The following CTNND2 variants were observed in gnomAD, a reference collection of about 807,000 sequenced individuals.
CTNND2 encodes the protein catenin delta-2.
CTNND2 carries 22 observed loss-of-function variants against 144.4 expected under a neutral mutation model. The ratio of observed to expected loss-of-function variants is 0.15; its 90% CI spans 0.11 to 0.22. The LOEUF is 0.22. Among genes scored for constraint, CTNND2 ranks in the 10% least tolerant of loss-of-function variants. CTNND2 has a pLI of 1.00. For synonymous variants in CTNND2, 751 were observed against 695.6 expected (o/e 1.08, Z -1.25); for missense variants, 1,353 against 1,618.8 (o/e 0.84, Z 2.82).
At chr5:11,394,106 T>C (rs1759865518) in intron 6 of CTNND2, among the ~76,000 whole-genome samples, 1 of 152,192 alleles carries the variant, frequency 6.6e-6, no homozygotes, top group Non-Finnish European at 1.5e-5. Context: ...GTCCCTATCA[T>C]GCTGCACTCC....
intron 3 of CTNND2, chr5:11,508,497 A>C (rs542223355): frequency 1.3e-5 from 2 of 151,592 alleles, no homozygotes; most frequent in East Asian, 3.8e-4. Flanking sequence ...CCCCAAACCC[A>C]TATATCAACA....
intron 16 of CTNND2, among the ~76,000 whole-genome samples, chr5:11,057,524 T>C (rs1190845701): frequency 6.6e-6 from 1 of 152,220 alleles, no homozygotes; most frequent in Non-Finnish European, 1.5e-5. Context: ...TTGTCAGGCC[T>C]CCCCAGCCAT....
In CTNND2 at chr5:11,839,008, T is replaced by C. The variant is rs1227551278; in HGVS notation, c.37+64809A>G. Reference sequence around the variant, plus strand: ...GGTAGAATGATGTAATATTATATGATTTATCGAATTCAGGCTAGCATGCTT... The same window carrying C: ...GGTAGAATGATGTAATATTATATGACTTATCGAATTCAGGCTAGCATGCTT... On this transcript the variant is annotated intron_variant, in intron 1 of 21. Coordinates refer to ENST00000304623, the MANE Select transcript of CTNND2 (RefSeq NM_001332.4). Among the ~76,000 whole-genome samples the C allele has an allele frequency of 2.0e-5, 3 of 152,170 alleles. No individual in the cohort carries two copies. The South Asian group carries it at 6.2e-4, about 32-fold the overall frequency.
At chr5:11,410,894 C>T (rs1011041942) in intron 5 of CTNND2, among the ~76,000 whole-genome samples, 20 of 148,692 alleles carry the variant, frequency 1.3e-4, no homozygotes, top group Non-Finnish European at 2.5e-4. Context: ...TTTTTTAAGA[C>T]GGAGTCTCCT....
At chr5:11,723,111 T>A in intron 2 of CTNND2, among the ~76,000 whole-genome samples, 1 of 152,120 alleles carries the variant, frequency 6.6e-6, no homozygotes. Flanking sequence ...TTTCAACAAA[T>A]ATGATAAACT....
Position 10,988,183 on chromosome 5 carries a change from C to T in CTNND2, c.3271G>A (p.Glu1091Lys), listed in dbSNP as rs778985488. The T allele has an allele frequency of 9.9e-6, 16 of 1,614,072 alleles. No individual in the cohort carries two copies. Among genetic ancestry groups the T allele is most frequent in the Admixed American group, 3.3e-5 (2 of 60,010 alleles). ...ISLKERKTDY[E>K]CTGSNATYHG... The stretch of plus-strand genomic sequence containing the variant: ...TAGGTGGCGTTGCTGCCGGTGCACT[C>T]GTAGTCTGTTTTCCTTTCTTTGAGG... The change falls in exon 20 of 22, where the codon GAG (glutamate) becomes AAG (lysine). Residue 1091 changes from glutamate to lysine, a missense_variant. Physicochemically the swap from Glu to Lys is moderately conservative, Grantham distance 56 (BLOSUM62 1). Around this residue, in one of 4 missense-constraint regions of CTNND2, gnomAD observed 459 missense variants for 674.3 expected, o/e 0.68. Transcript: ENST00000304623. This position sits in a 1 kb window ranked among gnomAD's most constrained non-coding sequence, Gnocchi z 5.9.
At chr5:11,838,558 C>A (rs1794298508) in intron 1 of CTNND2, among the ~76,000 whole-genome samples, 1 of 152,118 alleles carries the variant, frequency 6.6e-6, no homozygotes, top group Admixed American at 6.5e-5. Context: ...TCAGCTGTGA[C>A]AGATTCAGTT....
At chr5:11,880,523 T>C (rs1167233044) in intron 1 of CTNND2, among the ~76,000 whole-genome samples, 1 of 145,410 alleles carries the variant, frequency 6.9e-6, no homozygotes, top group Non-Finnish European at 1.5e-5. Flanking sequence ...CTACCACTAC[T>C]ACTACTACCA....
At chr5:11,258,771 TC>T (rs1024540409) in intron 9 of CTNND2, among the ~76,000 whole-genome samples, 1 of 152,200 alleles carries the variant, frequency 6.6e-6, no homozygotes, top group African/African-American at 2.4e-5. Context: ...TTAACAGAAC[TC>T]CTATGTTTAG....
intron 14 of CTNND2, 71 bp from the exon 15 acceptor site, chr5:11,098,819 C>T: frequency 2.7e-6 from 4 of 1,467,832 alleles, no homozygotes; most frequent in Middle Eastern, 1.8e-4. Context: ...CTTCCTCAAA[C>T]ATTACAGGCG....
At position 11,635,228 on chromosome 5, in the gene CTNND2, T is replaced by A. The variant is rs140159880; in HGVS notation, c.175-70172A>T. On this transcript the variant is annotated intron_variant, in intron 2 of 21. Transcript: ENST00000304623. ...ATATAAAGCAAGATTTAGAAGAATATGGAACAAAAATGAGTGTGGGAGTTT... is the reference window on the plus strand; with the variant it reads ...ATATAAAGCAAGATTTAGAAGAATAAGGAACAAAAATGAGTGTGGGAGTTT... Among the ~76,000 whole-genome samples the A allele has an allele frequency of 1.1e-3, 163 of 152,126 alleles. 3 individuals are homozygous for A. The East Asian group carries it at 0.024, about 22-fold the overall frequency.
intron 9 of CTNND2, among the ~76,000 whole-genome samples, chr5:11,252,229 T>TA (rs1371393062): frequency 4.6e-5 from 7 of 152,192 alleles, no homozygotes; most frequent in Non-Finnish European, 8.8e-5. Context: ...GATATGGACT[T>TA]AGACTGCAGA....
At chr5:11,574,547 C>T (rs1016646797) in intron 2 of CTNND2, among the ~76,000 whole-genome samples, 1 of 152,118 alleles carries the variant, frequency 6.6e-6, no homozygotes, top group Non-Finnish European at 1.5e-5. Context: ...TATAGCTCAT[C>T]ATTTCACACT....
Position 11,624,062 on chromosome 5 carries a change from C to A in CTNND2, c.175-59006G>T, listed in dbSNP as rs143970720. ...TTCTTTTTGTTTATAAATCACCTAG[C>A]CTCTGGTATGTCTTTATTCGCAATG... On this transcript the variant is annotated intron_variant, in intron 2 of 21. Coordinates refer to ENST00000304623, the MANE Select transcript of CTNND2 (RefSeq NM_001332.4). 1.1e-4 allele frequency among the ~76,000 whole-genome samples: 17 copies of A among 151,780 alleles called. No homozygotes were observed. The South Asian group carries it at 1.7e-3, about 15-fold the overall frequency.
intron 1 of CTNND2, among the ~76,000 whole-genome samples, chr5:11,812,639 G>C (rs1792399940): frequency 6.6e-6 from 1 of 152,094 alleles, no homozygotes; most frequent in Non-Finnish European, 1.5e-5. Context: ...TTGGATTTCA[G>C]GAAAATAACA....
chr5:11,330,479 G>A (rs71599573), intron 9 of CTNND2, among the ~76,000 whole-genome samples: 19 of 52,774 alleles, frequency 3.6e-4, no homozygotes, highest in African/African-American at 1.5e-3. Flanking sequence ...GAGAGACTCC[G>A]TCTCAAAAAA....
intron 3 of CTNND2, among the ~76,000 whole-genome samples, chr5:11,543,182 C>T (rs1774911464): frequency 6.6e-6 from 1 of 152,218 alleles, no homozygotes; most frequent in Non-Finnish European, 1.5e-5. Flanking sequence ...AGGGTCCTCT[C>T]ATCATGTTCT....
intron 16 of CTNND2, among the ~76,000 whole-genome samples, chr5:11,051,854 T>C (rs143456811): frequency 3.0e-4 from 45 of 152,344 alleles, no homozygotes; most frequent in Middle Eastern, 6.8e-3. Flanking sequence ...GAGAATAAAC[T>C]TCAAAATAAA....
chr5:11,488,015 T>C (rs1340580427), intron 3 of CTNND2, among the ~76,000 whole-genome samples: 1 of 152,192 alleles, frequency 6.6e-6, no homozygotes, highest in Non-Finnish European at 1.5e-5. Context: ...CAGATGCTGC[T>C]AGTTGTCCAC....
Sources: allele counts gnomAD v4.1 joint callset (sites outside exome capture counted in the v4.1 genomes callset), GRCh38; gene constraint gnomAD v4.1.1; regional missense constraint gnomAD v4.1.1; non-coding constraint Gnocchi (gnomAD v3.1); transcripts MANE v1.5; gene names NCBI Gene and HGNC (gene_info 2026-07-23, HGNC 2026-07-21).